Variants in FOXP2 observed in about 807,000 individuals in gnomAD.
The protein encoded by FOXP2 is forkhead box P2, also known as forkhead box protein P2.
FOXP2 carries 12 observed loss-of-function variants against 115.8 expected under a neutral mutation model. That is an observed-to-expected ratio of 0.10 (90% CI 0.07 to 0.17). FOXP2 has a LOEUF of 0.17. Among genes scored for constraint, FOXP2 ranks in the 10% least tolerant of loss-of-function variants. The pLI is 1.00. For synonymous variants in FOXP2, 328 were observed against 297.7 expected, an observed-to-expected ratio of 1.10 and a Z score of -1.05; for missense variants, 629 against 843.5, an observed-to-expected ratio of 0.75 and a Z score of 3.15.
chr7:114,617,328 C>A (rs1804002760), intron 3 of FOXP2, among the ~76,000 whole-genome samples: 1 of 152,186 alleles, frequency 6.6e-6, no homozygotes, highest in African/African-American at 2.4e-5. Context: ...CTATATATTA[C>A]TGTTAAACAT....
At chr7:114,619,610 C>T (rs544960556) in intron 3 of FOXP2, among the ~76,000 whole-genome samples, 1 of 151,674 alleles carries the variant, frequency 6.6e-6, no homozygotes, top group South Asian at 2.1e-4. Context: ...ATGTATTAGG[C>T]CATTATGGTT....
In FOXP2 at chr7:114,432,259, A is replaced by G. The variant is rs572847724; in HGVS notation, c.168+5580A>G. Among the ~76,000 whole-genome samples, 25 of 152,158 alleles carry G rather than the reference A, an allele frequency of 1.6e-4. 1 individual carries two copies. In the South Asian group the frequency reaches 4.8e-3, roughly 29 times the overall value. ...CATATAGTCTACTGTCTTTAGGGAAATATGCAAAATTAAAAGTTACACTGC... is the reference window on the plus strand; with the variant it reads ...CATATAGTCTACTGTCTTTAGGGAAGTATGCAAAATTAAAAGTTACACTGC... On this transcript the variant is annotated intron_variant, in intron 2 of 16. Coordinates refer to ENST00000350908, the MANE Select transcript of FOXP2 (RefSeq NM_014491.4).
chr7:114,193,260 A>T (rs1386652521), intron 1 of FOXP2, among the ~76,000 whole-genome samples: 1 of 152,088 alleles, frequency 6.6e-6, no homozygotes, highest in Non-Finnish European at 1.5e-5. Flanking sequence ...GTGAGGAATG[A>T]CTACAAATGC....
In FOXP2 at chr7:114,107,944, T is replaced by TA. The variant is rs983516751; in HGVS notation, c.-247+20112dup. ...GTAAAATTTTAAAGTCAATATATGG[T>TA]AAAAAATGAGTGTTAAGTAATGTAA... On this transcript the variant is annotated intron_variant, in intron 1 of 19. Transcript: ENST00000635638. Among the ~76,000 whole-genome samples the TA allele has an allele frequency of 3.9e-5, 6 of 152,058 alleles. No individual in the cohort carries two copies. In the South Asian group the frequency reaches 6.2e-4, roughly 16 times the overall value.
chr7:114,200,949 G>A (rs1056932633), intron 1 of FOXP2, among the ~76,000 whole-genome samples: 1 of 152,132 alleles, frequency 6.6e-6, no homozygotes, highest in African/African-American at 2.4e-5. Flanking sequence ...GAGGTCAGGT[G>A]TTCGGGACCA....
At chr7:114,266,078 A>T (rs1262591171) in intron 1 of FOXP2, among the ~76,000 whole-genome samples, 3 of 151,990 alleles carry the variant, frequency 2.0e-5, no homozygotes, top group Non-Finnish European at 2.9e-5. Flanking sequence ...CAATGAAAAA[A>T]AAAACAAAAA....
upstream of FOXP2, among the ~76,000 whole-genome samples, chr7:114,412,092 A>G (rs1419438922): frequency 6.6e-6 from 1 of 152,190 alleles, no homozygotes; most frequent in Non-Finnish European, 1.5e-5. Flanking sequence ...AAATTAAAAA[A>G]TATTTTTAAA....
upstream of FOXP2, among the ~76,000 whole-genome samples, chr7:114,411,007 C>T (rs1024603432): frequency 6.6e-6 from 1 of 152,028 alleles, no homozygotes; most frequent in African/African-American, 2.4e-5. Context: ...TAAAACATTG[C>T]ACTCTCAGCG....
chr7:114,220,592 T>A (rs1563010941), intron 1 of FOXP2, among the ~76,000 whole-genome samples: 2 of 152,152 alleles, frequency 1.3e-5, no homozygotes. Context: ...CTTCCCTACT[T>A]CCCTTTGGTG....
At chr7:114,480,041 A>T (rs1204938970) in intron 2 of FOXP2, among the ~76,000 whole-genome samples, 1 of 151,376 alleles carries the variant, frequency 6.6e-6, no homozygotes, top group Non-Finnish European at 1.5e-5. Flanking sequence ...TAAACCTTGG[A>T]CTTTAGGGGG....
intron 1 of FOXP2, among the ~76,000 whole-genome samples, chr7:114,226,744 GTCTT>G (rs1794757621): frequency 6.6e-6 from 1 of 151,884 alleles, no homozygotes; most frequent in South Asian, 2.1e-4. Context: ...TCATTATTAT[GTCTT>G]TCTTATTTAT....
intron 1 of FOXP2, among the ~76,000 whole-genome samples, chr7:114,276,490 T>C (rs1425615182): frequency 1.3e-5 from 2 of 152,070 alleles, no homozygotes; most frequent in African/African-American, 4.8e-5. Context: ...AATGGTTCTT[T>C]TTCCCCTCCC....
chr7:114,508,216 G>A (rs1407192356), intron 2 of FOXP2, among the ~76,000 whole-genome samples: 1 of 151,936 alleles, frequency 6.6e-6, no homozygotes, highest in African/African-American at 2.4e-5. Context: ...TACAGTGAAA[G>A]TGAAACTCAA....
intron 2 of FOXP2, among the ~76,000 whole-genome samples, chr7:114,336,030 G>A (rs1440531830): frequency 6.6e-6 from 1 of 151,646 alleles, no homozygotes; most frequent in Non-Finnish European, 1.5e-5. Flanking sequence ...TCTTCCCAGT[G>A]GCATGAGTGT....
At chr7:114,684,100 C>A (rs552991088) in intron 16 of FOXP2, among the ~76,000 whole-genome samples, 1 of 152,170 alleles carries the variant, frequency 6.6e-6, no homozygotes, top group East Asian at 1.9e-4. Context: ...GCTGGCATTC[C>A]TCCCACCTCA....
chr7:114,141,106 T>G (rs1233050777), intron 1 of FOXP2, among the ~76,000 whole-genome samples: 2 of 152,118 alleles, frequency 1.3e-5, no homozygotes, highest in African/African-American at 4.8e-5. Flanking sequence ...CTTCCTCACT[T>G]AAGTTCTGAA....
intron 1 of FOXP2, among the ~76,000 whole-genome samples, chr7:114,251,775 C>G (rs966716809): frequency 5.3e-5 from 8 of 152,148 alleles, no homozygotes; most frequent in Admixed American, 1.3e-4. Context: ...AATTGAATAT[C>G]CTTTCTTTCT....
intron 2 of FOXP2, among the ~76,000 whole-genome samples, chr7:114,313,147 T>C (rs1280309742): frequency 1.3e-5 from 2 of 152,208 alleles, no homozygotes; most frequent in Admixed American, 1.3e-4. Context: ...ACATGCATCA[T>C]TCAGGGAAAT....
At chr7:114,457,882 G>T (rs978012838) in intron 2 of FOXP2, among the ~76,000 whole-genome samples, 2 of 140,686 alleles carry the variant, frequency 1.4e-5, no homozygotes, top group Non-Finnish European at 3.0e-5. Flanking sequence ...GGGCGACAGC[G>T]AGACTCCGTC....
Sources: allele counts gnomAD v4.1 joint callset (sites outside exome capture counted in the v4.1 genomes callset), GRCh38; gene constraint gnomAD v4.1.1; transcripts MANE v1.5; gene names NCBI Gene and HGNC (gene_info 2026-07-23, HGNC 2026-07-21).